BNC2: variants seen among roughly 807,000 people sequenced by gnomAD.
The protein encoded by BNC2 is zinc finger protein basonuclin-2.
Under a neutral mutation model 76.3 loss-of-function variants are expected in BNC2, and 20 were observed. The ratio of observed to expected loss-of-function variants is 0.26; its 90% CI spans 0.18 to 0.38. The LOEUF (loss-of-function observed/expected upper bound fraction) is 0.38. BNC2 is among the 10% of genes least tolerant of loss of function. BNC2 has a pLI of 1.00. For synonymous variants in BNC2, 582 were observed against 514.8 expected (o/e 1.13, Z -1.77); for missense variants, 1,382 against 1,399.8 (o/e 0.99, Z 0.20).
intron 1 of BNC2, among the ~76,000 whole-genome samples, chr9:16,759,558 T>C (rs1055328928): frequency 2.0e-5 from 3 of 152,084 alleles, no homozygotes; most frequent in African/African-American, 7.2e-5. Flanking sequence ...ATACTAAACA[T>C]AGCTTGAAAA....
At chr9:16,462,816 T>C (rs1253412569) in intron 5 of BNC2, among the ~76,000 whole-genome samples, 1 of 152,214 alleles carries the variant, frequency 6.6e-6, no homozygotes, top group Admixed American at 6.5e-5. Flanking sequence ...TTCTTTGTTT[T>C]TGTGTATGAT....
At chr9:16,762,936 A>T (rs1159858014) in intron 1 of BNC2, among the ~76,000 whole-genome samples, 1 of 152,204 alleles carries the variant, frequency 6.6e-6, no homozygotes, top group African/African-American at 2.4e-5. Flanking sequence ...AAAGGCAGAT[A>T]GATACTATCA....
At chr9:16,862,322 AT>A (rs930579698) in intron 1 of BNC2, among the ~76,000 whole-genome samples, 14 of 152,234 alleles carry the variant, frequency 9.2e-5, no homozygotes, top group African/African-American at 3.4e-4. Context: ...ATTAATGTAC[AT>A]TTTAAGTGGG....
At chr9:16,738,059 A>T (rs1824731015) in intron 2 of BNC2, among the ~76,000 whole-genome samples, 1 of 152,204 alleles carries the variant, frequency 6.6e-6, no homozygotes, top group Non-Finnish European at 1.5e-5. Flanking sequence ...GAACAATAGG[A>T]AAGAAAGAAT....
At chr9:16,806,050 G>T (rs1384940220) in intron 1 of BNC2, among the ~76,000 whole-genome samples, 3 of 152,170 alleles carry the variant, frequency 2.0e-5, no homozygotes, top group African/African-American at 7.2e-5. Flanking sequence ...CAAACTGAGG[G>T]AAAGTCTCAA....
At chr9:16,814,360 GT>G (rs1173117371) in intron 1 of BNC2, among the ~76,000 whole-genome samples, 1 of 152,104 alleles carries the variant, frequency 6.6e-6, no homozygotes. Context: ...ATATAGATAT[GT>G]TTAGCTTTAT....
At chr9:16,430,094 G>C (rs553674598) in intron 6 of BNC2, 5 of 453,726 alleles carry the variant, frequency 1.1e-5, no homozygotes, top group Non-Finnish European at 2.2e-5. Flanking sequence ...ACTCAGGAGG[G>C]GGATGTATTT....
chr9:16,567,024 A>C (rs1336149191), intron 4 of BNC2, among the ~76,000 whole-genome samples: 1 of 152,222 alleles, frequency 6.6e-6, no homozygotes, highest in Non-Finnish European at 1.5e-5. Context: ...GGATTTCCTA[A>C]AATGCTAGAA....
At chr9:16,825,091 A>C (rs1309641784) in intron 1 of BNC2, among the ~76,000 whole-genome samples, 1 of 151,720 alleles carries the variant, frequency 6.6e-6, no homozygotes, top group East Asian at 1.9e-4. Flanking sequence ...CAAAGATACG[A>C]ATCAGTGGAA....
At chr9:16,715,319 A>C (rs1823967944) in intron 3 of BNC2, among the ~76,000 whole-genome samples, 3 of 152,252 alleles carry the variant, frequency 2.0e-5, no homozygotes, top group Admixed American at 6.5e-5. Context: ...AAAGCTATAC[A>C]TCAAAACTAT....
intron 1 of BNC2, among the ~76,000 whole-genome samples, chr9:16,840,091 G>C (rs1197446765): frequency 2.0e-5 from 3 of 152,108 alleles, no homozygotes; most frequent in African/African-American, 7.2e-5. Flanking sequence ...TTCAGATAAG[G>C]AGGTCTAAAG....
chr9:16,651,199 T>C (rs1005248873), intron 3 of BNC2, among the ~76,000 whole-genome samples: 6 of 152,232 alleles, frequency 3.9e-5, no homozygotes, highest in Non-Finnish European at 1.5e-5. Context: ...GTTGTAACTA[T>C]ATCTACCTGT....
intron 5 of BNC2, among the ~76,000 whole-genome samples, chr9:16,486,545 T>A (rs996659101): frequency 6.6e-5 from 10 of 152,208 alleles, no homozygotes; most frequent in African/African-American, 2.2e-4. Context: ...TTATTATGAG[T>A]GATGCTTACA....
intron 1 of BNC2, among the ~76,000 whole-genome samples, chr9:16,861,225 GCACTTGTAGTCC>G (rs564570225): frequency 1.4e-5 from 2 of 140,890 alleles, no homozygotes; most frequent in Admixed American, 1.4e-4. Flanking sequence ...ATCGTGGCTT[GCACTTGTAGTCC>G]CAATTACTAC....
At chr9:16,439,908 T>A (rs148416107) in intron 5 of BNC2, among the ~76,000 whole-genome samples, 9 of 152,170 alleles carry the variant, frequency 5.9e-5, no homozygotes, top group Non-Finnish European at 1.3e-4. Flanking sequence ...AATACTCTTA[T>A]ACAACTATCT....
At chr9:16,616,007 T>A (rs1288200274) in intron 3 of BNC2, among the ~76,000 whole-genome samples, 1 of 152,202 alleles carries the variant, frequency 6.6e-6, no homozygotes, top group African/African-American at 2.4e-5. Context: ...GTCACATTTG[T>A]TCAATTCCAT....
intron 5 of BNC2, among the ~76,000 whole-genome samples, chr9:16,549,848 A>G (rs1818605330): frequency 6.6e-6 from 1 of 152,180 alleles, no homozygotes; most frequent in South Asian, 2.1e-4. Flanking sequence ...TAAAATCTAT[A>G]TTACATCAAT....
At chr9:16,489,384 T>A (rs929481909) in intron 5 of BNC2, among the ~76,000 whole-genome samples, 1 of 152,106 alleles carries the variant, frequency 6.6e-6, no homozygotes, top group Non-Finnish European at 1.5e-5. Flanking sequence ...AGGTTTATAG[T>A]TTATTATCTA....
intron 3 of BNC2, among the ~76,000 whole-genome samples, chr9:16,666,747 T>C (rs1372264976): frequency 6.6e-6 from 1 of 152,168 alleles, no homozygotes; most frequent in Non-Finnish European, 1.5e-5. Context: ...TGAAATGTAG[T>C]CTACACTAAT....
Sources: allele counts gnomAD v4.1 joint callset (sites outside exome capture counted in the v4.1 genomes callset), GRCh38; gene constraint gnomAD v4.1.1; transcripts MANE v1.5; gene names NCBI Gene and HGNC (gene_info 2026-07-23, HGNC 2026-07-21).